PEF1: variants seen among roughly 807,000 people sequenced by gnomAD.
PEF1 encodes the protein penta-EF-hand domain containing 1.
PEF1 carries 17 observed loss-of-function variants against 32.0 expected under a neutral mutation model. The observed-to-expected ratio is 0.53, with a 90% CI of 0.36 to 0.80. The LOEUF (loss-of-function observed/expected upper bound fraction) is 0.80. Among genes scored for constraint, PEF1 ranks in the 30% least tolerant of loss-of-function variants. The probability of loss-of-function intolerance (pLI) is 0.00; values close to 1 mark genes in which losing one functional copy is unlikely to be tolerated. For missense variants in PEF1, 362 were observed against 369.1 expected, an observed-to-expected ratio of 0.98 and a Z score of 0.16; for synonymous variants, 130 against 139.8, an observed-to-expected ratio of 0.93 and a Z score of 0.50.
chr1:31,644,387 G>T, intron 1 of PEF1: 2 of 1,014,152 alleles, frequency 2.0e-6, no homozygotes, highest in Non-Finnish European at 2.4e-6. Context: ...CACTTGTGGC[G>T]CCTGCTACAA....
chr1:31,640,864 C>T (rs1258921485), intron 1 of PEF1, among the ~76,000 whole-genome samples: 2 of 151,956 alleles, frequency 1.3e-5, no homozygotes, highest in South Asian at 4.1e-4. Flanking sequence ...GCCCTGATGA[C>T]GAATGGAGGA....
chr1:31,632,356 G>A lies in PEF1; in HGVS notation c.625+139C>T, dbSNP rs779875686. 5 of 1,422,146 alleles carry A rather than the reference G, an allele frequency of 3.5e-6. No individual in the cohort carries two copies. The Admixed American group carries it at 5.2e-5, about 15-fold the overall frequency. 88.1% of individuals were successfully genotyped at this position (1,422,146 alleles called of 1,614,324 possible). A position where few individuals can be genotyped will look rare whatever the true frequency, so the allele number is the denominator to read the frequency against. ...CTGGGTCAAAGAAGGGGTGAGGGAT[G>A]CAGGCCTGCACTGAGAACAGCATTT... is the stretch of plus-strand genomic sequence containing the variant. On this transcript the variant is annotated intron_variant, in intron 4 of 4. Transcript: ENST00000373703.
rs941474151 is a variant in PEF1 at position 31,630,480 on chromosome 1, G to C, written c.*133C>G. 2.4e-5 allele frequency: 23 copies of C among 952,138 alleles called. No homozygotes were observed. The highest frequency in any genetic ancestry group is 3.2e-5 in the African/African-American group (2 of 61,600). The allele number at this position is 952,138 out of a possible 1,614,324, so 59.0% of individuals were successfully genotyped here. A position where few individuals can be genotyped will look rare whatever the true frequency, so the allele number is the denominator to read the frequency against. ...ATGCAGGACTCTCCACCCTCTTTTG[G>C]AACAGTGTTGCATCAAGCAAGGGAG... On this transcript the variant is annotated 3_prime_UTR_variant, in exon 5 of 5. Coordinates refer to ENST00000373703, the MANE Select transcript of PEF1 (RefSeq NM_012392.4).
chr1:31,630,993 A>G (rs950050106), intron 4 of PEF1, 151 bp from the exon 5 acceptor site: 4 of 698,492 alleles, frequency 5.7e-6, no homozygotes, highest in Middle Eastern at 2.5e-4. Context: ...GGGTCTGTCT[A>G]AGATGTCAGA....
intron 4 of PEF1, 129 bp downstream of exon 4, chr1:31,632,366 A>T: frequency 6.7e-7 from 1 of 1,496,598 alleles, no homozygotes. Context: ...GCAGGCCTGC[A>T]CTGAGAACAG....
chr1:31,630,509 G>C lies in PEF1; in HGVS notation c.*104C>G. ...AGTGTTGCATCAAGCAAGGGAGAAT[G>C]TTCTTCTAGAGGGACAGGAAAAGAA... On this transcript the variant is annotated 3_prime_UTR_variant, in exon 5 of 5. Transcript: ENST00000373703. 8.6e-7 allele frequency: 1 copy of C among 1,156,186 alleles called. No homozygotes were observed. Among genetic ancestry groups the C allele is most frequent in the Non-Finnish European group, 1.2e-6 (1 of 801,580 alleles). The allele number at this position is 1,156,186 out of a possible 1,614,324, so 71.6% of individuals were successfully genotyped here. A position where few individuals can be genotyped will look rare whatever the true frequency, so the allele number is the denominator to read the frequency against.
chr1:31,633,547 A>T (rs1021936632), intron 2 of PEF1, among the ~76,000 whole-genome samples: 16 of 152,176 alleles, frequency 1.1e-4, no homozygotes, highest in Non-Finnish European at 2.1e-4. Context: ...AGTGTTCCAG[A>T]CACTACTCTT....
intron 2 of PEF1, 186 bp downstream of exon 2, chr1:31,635,036 C>T (rs1220012345): frequency 1.2e-6 from 1 of 810,958 alleles, no homozygotes; most frequent in African/African-American, 1.7e-5. Flanking sequence ...GCAAGCAATA[C>T]AAATAAATGC....
chr1:31,639,912 G>A (rs1308627289), intron 1 of PEF1, among the ~76,000 whole-genome samples: 2 of 152,196 alleles, frequency 1.3e-5, no homozygotes, highest in Non-Finnish European at 2.9e-5. Context: ...GTCACCCAGT[G>A]TCACTGAGTT....
intron 1 of PEF1, among the ~76,000 whole-genome samples, chr1:31,641,098 A>G (rs930807617): frequency 7.2e-5 from 11 of 152,144 alleles, no homozygotes; most frequent in African/African-American, 2.7e-4. Flanking sequence ...CACACTTTCA[A>G]ATCTTTCCAG....
At position 31,633,173 on chromosome 1, in the gene PEF1, C is replaced by T; in HGVS notation, c.467G>A (p.Cys156Tyr). 1 of 1,613,592 alleles carries T rather than the reference C, an allele frequency of 6.2e-7. No individual in the cohort carries two copies. The highest frequency in any genetic ancestry group is 1.1e-5 in the South Asian group (1 of 90,986). ...CNWSSFNDET[C>Y]LMMINMFDKT... ...CGGAGACTCACTTATCATCATGAGG[C>T]AGGTCTCATCATTGAATGAAGACCA... Residue 156 changes from cysteine to tyrosine, a missense_variant, in exon 3 of 5, where the codon TGC becomes TAC. By Grantham distance (194) the Cys-to-Tyr change is radical. Coordinates refer to ENST00000373703, the MANE Select transcript of PEF1 (RefSeq NM_012392.4).
intron 4 of PEF1, chr1:31,632,258 C>A: frequency 1.4e-6 from 1 of 713,764 alleles, no homozygotes; most frequent in Non-Finnish European, 2.5e-6. Flanking sequence ...CCGTCTCACC[C>A]AGCACTCCAG....
At chr1:31,633,372 A>G (rs955383125) in intron 2 of PEF1, 58 bp from the exon 3 acceptor site, 34 of 1,525,082 alleles carry the variant, frequency 2.2e-5, no homozygotes, top group Non-Finnish European at 2.8e-5. Context: ...CAGCCTCAGT[A>G]ACTTCCTGGC....
Position 31,644,572 on chromosome 1 carries a change from C to T in PEF1, c.24+269G>A, listed in dbSNP as rs1640499968. On this transcript the variant is annotated intron_variant, in intron 1 of 4. Transcript: ENST00000373703. ...GGAGGCTGTGGAGCCCAGGCCAGCGCCAGCCTGGACCTGTGGGGTCCAAGG... is the reference window on the plus strand; with the variant it reads ...GGAGGCTGTGGAGCCCAGGCCAGCGTCAGCCTGGACCTGTGGGGTCCAAGG... The T allele has an allele frequency of 2.1e-6, 3 of 1,412,050 alleles. No individual in the cohort carries two copies. The South Asian group carries it at 4.6e-5, about 22-fold the overall frequency. 87.5% of individuals were successfully genotyped at this position (1,412,050 alleles called of 1,614,324 possible).
At chr1:31,630,962 A>G in intron 4 of PEF1, 120 bp from the exon 5 acceptor site, 5 of 823,024 alleles carry the variant, frequency 6.1e-6, no homozygotes, top group Non-Finnish European at 9.8e-6. Flanking sequence ...CAGAAGCACA[A>G]AGAGGGTAGA....
At chr1:31,634,984 G>A in intron 2 of PEF1, 1 of 676,656 alleles carries the variant, frequency 1.5e-6, no homozygotes, top group Non-Finnish European at 2.7e-6. Context: ...TCAACAGCCA[G>A]CTAACAGCTG....
chr1:31,644,429 G>A, intron 1 of PEF1: 2 of 1,099,258 alleles, frequency 1.8e-6, no homozygotes, highest in Non-Finnish European at 2.2e-6. Flanking sequence ...GATGCAGTGT[G>A]GGGTGGGTCC....
intron 1 of PEF1, among the ~76,000 whole-genome samples, chr1:31,639,319 C>T (rs1455471425): frequency 6.6e-6 from 1 of 152,182 alleles, no homozygotes; most frequent in Non-Finnish European, 1.5e-5. Flanking sequence ...TTCAGTTAGC[C>T]GTGAGGTATC....
Position 31,643,957 on chromosome 1 carries a change from C to A in PEF1, c.24+884G>T, listed in dbSNP as rs1225553735. 6 of 152,176 alleles carry A rather than the reference C, an allele frequency of 3.9e-5. 1 individual carries two copies. Among genetic ancestry groups the A allele is most frequent in the African/African-American group, 1.4e-4 (6 of 41,416 alleles). 9.4% of individuals were successfully genotyped at this position (152,176 alleles called of 1,614,324 possible). On this transcript the variant is annotated intron_variant, in intron 1 of 4. Transcript: ENST00000373703. ...AACACATGTTACACCTCACTATGTACCAAACGCTTCGTAAGCATCACCTCC... is the reference window on the plus strand; with the variant it reads ...AACACATGTTACACCTCACTATGTAACAAACGCTTCGTAAGCATCACCTCC...
Sources: allele counts gnomAD v4.1 joint callset (sites outside exome capture counted in the v4.1 genomes callset), GRCh38; gene constraint gnomAD v4.1.1; transcripts MANE v1.5; gene names NCBI Gene and HGNC (gene_info 2026-07-23, HGNC 2026-07-21).